Variants in GNB4 observed in about 807,000 individuals in gnomAD.
The protein encoded by GNB4 is G protein subunit beta 4.
GNB4 carries 28 observed loss-of-function variants against 45.2 expected under a neutral mutation model. That is an observed-to-expected ratio of 0.62 (90% confidence interval 0.46 to 0.85). The LOEUF (loss-of-function observed/expected upper bound fraction) is 0.85, where lower values mean the gene tolerates loss of function less well. Ranked by LOEUF, GNB4 falls within the 40% of genes least tolerant of loss-of-function variation. The probability of loss-of-function intolerance (pLI) is 0.00; values close to 1 mark genes in which losing one functional copy is unlikely to be tolerated. For missense variants in GNB4, 321 were observed against 425.4 expected (o/e 0.75, Z 2.16); for synonymous variants, 132 against 143.7 (o/e 0.92, Z 0.58).
At chr3:179,493,533 A>G in the GNB4 span, among the ~76,000 whole-genome samples, 1 of 151,958 alleles carries the variant, frequency 6.6e-6, no homozygotes, top group Non-Finnish European at 1.5e-5. Context: ...CTCAAAAAAA[A>G]AAAAAAAGAA....
At chr3:179,461,782 C>T in the GNB4 span, among the ~76,000 whole-genome samples, 1 of 152,108 alleles carries the variant, frequency 6.6e-6, no homozygotes, top group Non-Finnish European at 1.5e-5. Context: ...TTAAATTCTA[C>T]CTTTCATTGA....
At chr3:179,448,415 G>A (rs1715790883) in intron 1 of GNB4, among the ~76,000 whole-genome samples, 1 of 151,252 alleles carries the variant, frequency 6.6e-6, no homozygotes, top group African/African-American at 2.4e-5. Context: ...CTACTACACA[G>A]AGTTCAAGAT....
intron 8 of GNB4, 154 bp from the exon 9 acceptor site, chr3:179,405,560 C>G (rs1041579514): frequency 2.1e-5 from 12 of 578,478 alleles, no homozygotes; most frequent in African/African-American, 5.6e-5. Context: ...TTTTGAGCCT[C>G]AGATTCCATT....
chr3:179,524,277 G>T, the GNB4 span, among the ~76,000 whole-genome samples: 1 of 152,226 alleles, frequency 6.6e-6, no homozygotes, highest in Admixed American at 6.5e-5. Flanking sequence ...AGTGGCTGCC[G>T]GGTGAGTTGG....
At chr3:179,460,933 G>T in the GNB4 span, among the ~76,000 whole-genome samples, 1 of 152,182 alleles carries the variant, frequency 6.6e-6, no homozygotes, top group South Asian at 2.1e-4. Flanking sequence ...AGGAAATACA[G>T]ATGTTTAAAT....
chr3:179,519,324 C>T, the GNB4 span, among the ~76,000 whole-genome samples: 41 of 152,308 alleles, frequency 2.7e-4, no homozygotes, highest in East Asian at 5.8e-4. Flanking sequence ...CTTGGTTTAG[C>T]GGCTGAAGAC....
At chr3:179,414,758 ATAAT>A (rs1714748118) in intron 6 of GNB4, 123 bp downstream of exon 6, 1 of 622,156 alleles carries the variant, frequency 1.6e-6, no homozygotes. Flanking sequence ...TTTGTTCATA[ATAAT>A]TTCATTCCCA....
At chr3:179,456,073 A>T (rs958246087), upstream of GNB4, among the ~76,000 whole-genome samples, 6 of 150,622 alleles carry the variant, frequency 4.0e-5, no homozygotes, top group African/African-American at 1.5e-4. Flanking sequence ...CACTTGGTCT[A>T]GGCAGTCACA....
At chr3:179,496,423 G>A in the GNB4 span, among the ~76,000 whole-genome samples, 1 of 151,880 alleles carries the variant, frequency 6.6e-6, no homozygotes, top group Admixed American at 6.6e-5. Context: ...TAGCAAAAGA[G>A]GAAGAAACAA....
chr3:179,516,007 G>A, the GNB4 span, among the ~76,000 whole-genome samples: 1 of 152,312 alleles, frequency 6.6e-6, no homozygotes, highest in South Asian at 2.1e-4. Context: ...AAGAGAAGGA[G>A]AAAAACAGGT....
At chr3:179,485,562 C>A in the GNB4 span, among the ~76,000 whole-genome samples, 16,805 of 152,184 alleles carry the variant, frequency 0.11, 1,242 homozygotes, top group East Asian at 0.33. Context: ...GCAGGATATA[C>A]TTCTCTGGTA....
At chr3:179,501,045 C>T in the GNB4 span, among the ~76,000 whole-genome samples, 1 of 152,150 alleles carries the variant, frequency 6.6e-6, no homozygotes, top group African/African-American at 2.4e-5. Context: ...GATGAAGTGA[C>T]TCTCTCAGTT....
chr3:179,430,067 G>GAGAGAGAC (rs1331341878), intron 1 of GNB4, among the ~76,000 whole-genome samples: 2 of 94,510 alleles, frequency 2.1e-5, no homozygotes, highest in Non-Finnish European at 4.4e-5. Flanking sequence ...GTGTGACTGA[G>GAGAGAGAC]AGAGAGACAG....
the GNB4 span, among the ~76,000 whole-genome samples, chr3:179,505,251 T>C: frequency 6.6e-6 from 1 of 152,182 alleles, no homozygotes; most frequent in African/African-American, 2.4e-5. Flanking sequence ...GCTCCAAACG[T>C]AGATCTGATT....
intron 1 of GNB4, among the ~76,000 whole-genome samples, chr3:179,429,056 A>G (rs9844549): frequency 0.31 from 46,664 of 152,162 alleles, 8,117 homozygotes; most frequent in African/African-American, 0.47. Flanking sequence ...CGGGTGAGGC[A>G]ATCTGTCCCA....
the GNB4 span, among the ~76,000 whole-genome samples, chr3:179,494,004 G>C: frequency 6.6e-6 from 1 of 152,184 alleles, no homozygotes; most frequent in Non-Finnish European, 1.5e-5. Context: ...AGAGGCTGGG[G>C]ATGCTAGTAC....
chr3:179,428,542 T>TTAGA (rs1367128513), intron 1 of GNB4, among the ~76,000 whole-genome samples: 1 of 152,222 alleles, frequency 6.6e-6, no homozygotes, highest in Non-Finnish European at 1.5e-5. Context: ...TGATACCTCT[T>TTAGA]TATTTTTAGG....
chr3:179,468,035 A>ATATATATATATATAT, the GNB4 span, among the ~76,000 whole-genome samples: 8 of 89,862 alleles, frequency 8.9e-5, no homozygotes, highest in East Asian at 3.3e-4. Flanking sequence ...TGTTGATAAA[A>ATATATATATATATAT]ATATATATAT....
At chr3:179,412,929 C>A (rs1714691992) in intron 8 of GNB4, among the ~76,000 whole-genome samples, 1 of 151,910 alleles carries the variant, frequency 6.6e-6, no homozygotes, top group Non-Finnish European at 1.5e-5. Flanking sequence ...CCTGTAATCC[C>A]AACACTTTGG....
Sources: gnomAD v4.1 joint callset for allele counts (sites outside exome capture counted in the v4.1 genomes callset) on GRCh38, gnomAD v4.1.1 for gene constraint, MANE v1.5 for transcripts, NCBI Gene and HGNC (gene_info 2026-07-23, HGNC 2026-07-21) for gene names.